Variants in NXPH1 observed in about 807,000 individuals in gnomAD.
NXPH1 encodes neurexophilin 1, also known as neurexophilin-1.
Under a neutral mutation model 23.7 loss-of-function variants are expected in NXPH1, and 5 were observed. The observed-to-expected ratio is 0.21, with a 90% CI of 0.11 to 0.44. NXPH1 has a LOEUF of 0.44. NXPH1 is among the 20% of genes least tolerant of loss of function. NXPH1 has a pLI of 0.99. For missense variants in NXPH1, 324 were observed against 321.6 expected (o/e 1.01, Z -0.06); for synonymous variants, 144 against 122.2 (o/e 1.18, Z -1.18).
At chr7:8,600,257 C>T (rs1054872463) in intron 2 of NXPH1, among the ~76,000 whole-genome samples, 4 of 152,112 alleles carry the variant, frequency 2.6e-5, no homozygotes, top group Admixed American at 2.6e-4. Flanking sequence ...GAAACCCATG[C>T]CAGTGATTGA....
intron 2 of NXPH1, among the ~76,000 whole-genome samples, chr7:8,713,110 T>G (rs1407778120): frequency 2.6e-5 from 4 of 152,162 alleles, no homozygotes; most frequent in Admixed American, 2.6e-4. Context: ...AGCTTTCTTG[T>G]AGGCATGCTT....
intron 2 of NXPH1, among the ~76,000 whole-genome samples, chr7:8,475,748 GT>G (rs1816959366): frequency 6.6e-6 from 1 of 151,664 alleles, no homozygotes. Context: ...TTCTATTCTT[GT>G]CTTTTGCTCC....
chr7:8,512,032 C>A (rs566139603), intron 2 of NXPH1, among the ~76,000 whole-genome samples: 1 of 152,200 alleles, frequency 6.6e-6, no homozygotes, highest in Non-Finnish European at 1.5e-5. Context: ...TGCCAAAGCT[C>A]AAGATGCATA....
chr7:8,696,948 A>G (rs1159995446), intron 2 of NXPH1, among the ~76,000 whole-genome samples: 1 of 151,702 alleles, frequency 6.6e-6, no homozygotes, highest in Non-Finnish European at 1.5e-5. Context: ...GTTTGAGGCC[A>G]GGAATTTGAC....
At chr7:8,535,156 G>C (rs1818008289) in intron 2 of NXPH1, among the ~76,000 whole-genome samples, 1 of 151,980 alleles carries the variant, frequency 6.6e-6, no homozygotes, top group African/African-American at 2.4e-5. Context: ...TAGACAGACA[G>C]ACATGAACAC....
At chr7:8,636,103 T>A (rs1265248176) in intron 2 of NXPH1, among the ~76,000 whole-genome samples, 1 of 152,164 alleles carries the variant, frequency 6.6e-6, no homozygotes, top group Non-Finnish European at 1.5e-5. Context: ...AAAGATATCG[T>A]TTTCCGCCTA....
chr7:8,448,646 G>A (rs1420873044), intron 2 of NXPH1, among the ~76,000 whole-genome samples: 2 of 152,032 alleles, frequency 1.3e-5, no homozygotes, highest in Non-Finnish European at 2.9e-5. Context: ...GTGAAACCCT[G>A]TCTCTACTAA....
rs1385812715 is a variant in NXPH1, at chr7:8,752,073, G to A, written c.*304G>A. On this transcript the variant is annotated 3_prime_UTR_variant, in exon 3 of 3. Transcript: ENST00000405863. ...TCAGCTTGCGTCTATCATGATTCCT[G>A]TTGAGAGGGCTTTCATTGTCTGACT... is the stretch of plus-strand genomic sequence containing the variant. 3.7e-6 allele frequency: 1 copy of A among 268,332 alleles called. No homozygotes were observed. Among genetic ancestry groups the A allele is most frequent in the Non-Finnish European group, 7.2e-6 (1 of 139,310 alleles). The allele number at this position is 268,332 out of a possible 1,614,324, so 16.6% of individuals were successfully genotyped here.
intron 2 of NXPH1, among the ~76,000 whole-genome samples, chr7:8,680,062 A>G (rs1821027310): frequency 6.6e-6 from 1 of 152,380 alleles, no homozygotes; most frequent in East Asian, 1.9e-4. Context: ...ATGTTTTCAG[A>G]CACGGAGTGG....
At chr7:8,741,507 T>G (rs1780359850) in intron 2 of NXPH1, among the ~76,000 whole-genome samples, 1 of 152,162 alleles carries the variant, frequency 6.6e-6, no homozygotes, top group Non-Finnish European at 1.5e-5. Context: ...CTCTACCAAG[T>G]TATAATCCCA....
At chr7:8,647,442 G>A (rs1820413948) in intron 2 of NXPH1, among the ~76,000 whole-genome samples, 2 of 152,070 alleles carry the variant, frequency 1.3e-5, no homozygotes, top group African/African-American at 4.8e-5. Flanking sequence ...ACAGGAAGAA[G>A]ACAGCCCCCA....
chr7:8,718,435 C>A (rs1779912524), intron 2 of NXPH1, among the ~76,000 whole-genome samples: 1 of 152,172 alleles, frequency 6.6e-6, no homozygotes, highest in Non-Finnish European at 1.5e-5. Flanking sequence ...GAATAAAGCA[C>A]TCATCTGAAA....
chr7:8,671,060 A>C (rs545985157), intron 2 of NXPH1, among the ~76,000 whole-genome samples: 16 of 152,332 alleles, frequency 1.1e-4, no homozygotes, highest in Admixed American at 1.0e-3. Context: ...CAGGCACTCC[A>C]CAGATACATA....
chr7:8,512,537 C>G (rs1182996991), intron 2 of NXPH1, among the ~76,000 whole-genome samples: 1 of 152,084 alleles, frequency 6.6e-6, no homozygotes, highest in Non-Finnish European at 1.5e-5. Context: ...GATGAATTTA[C>G]TTTAGGATTA....
chr7:8,573,939 G>T (rs533788005), intron 2 of NXPH1, among the ~76,000 whole-genome samples: 21 of 152,152 alleles, frequency 1.4e-4, no homozygotes, highest in Admixed American at 6.5e-4. Flanking sequence ...AAAGTGCTAG[G>T]TCAATTCTAT....
intron 2 of NXPH1, among the ~76,000 whole-genome samples, chr7:8,628,795 A>T (rs900177696): frequency 6.6e-6 from 1 of 151,942 alleles, no homozygotes; most frequent in African/African-American, 2.4e-5. Flanking sequence ...AATTTAGCAG[A>T]GATTTGACGC....
intron 2 of NXPH1, among the ~76,000 whole-genome samples, chr7:8,511,573 T>C (rs1338138081): frequency 2.0e-5 from 3 of 152,098 alleles, no homozygotes; most frequent in Admixed American, 6.6e-5. Context: ...AACAGCCTAA[T>C]AGTAGAACAA....
chr7:8,626,385 T>C (rs937945516), intron 2 of NXPH1, among the ~76,000 whole-genome samples: 1 of 135,494 alleles, frequency 7.4e-6, no homozygotes, highest in Non-Finnish European at 1.6e-5. Flanking sequence ...TGCAGTTTAC[T>C]TTTTTTTTTT....
intron 2 of NXPH1, among the ~76,000 whole-genome samples, chr7:8,692,214 G>A (rs768017702): frequency 6.6e-6 from 1 of 152,086 alleles, no homozygotes; most frequent in African/African-American, 2.4e-5. Flanking sequence ...TAATTGAAGT[G>A]TGTTATATAA....
Sources: gnomAD v4.1 joint callset for allele counts (sites outside exome capture counted in the v4.1 genomes callset) on GRCh38, gnomAD v4.1.1 for gene constraint, MANE v1.5 for transcripts, NCBI Gene and HGNC (gene_info 2026-07-23, HGNC 2026-07-21) for gene names.